Variants in SLC12A8 observed in about 807,000 individuals in gnomAD.
The protein encoded by SLC12A8 is solute carrier family 12 member 8.
In SLC12A8, 69 loss-of-function variants were observed where a neutral mutation model predicts 75.6. That is an observed-to-expected ratio of 0.91 (90% confidence interval 0.75 to 1.11). The LOEUF (loss-of-function observed/expected upper bound fraction) is 1.11, where lower values mean the gene tolerates loss of function less well. Among genes scored for constraint, SLC12A8 ranks in the 50% most tolerant of loss-of-function variants. SLC12A8 has a pLI of 0.00. For synonymous variants in SLC12A8, 365 were observed against 372.8 expected (o/e 0.98, Z 0.24); for missense variants, 877 against 896.7 (o/e 0.98, Z 0.28).
chr3:125,169,091 A>G (rs1460092929), intron 5 of SLC12A8, among the ~76,000 whole-genome samples: 1 of 152,220 alleles, frequency 6.6e-6, no homozygotes, highest in East Asian at 1.9e-4. Flanking sequence ...TAGGATTCAA[A>G]TGTGCCACAT....
intron 10 of SLC12A8, among the ~76,000 whole-genome samples, chr3:125,098,843 T>C (rs1181683687): frequency 6.6e-6 from 1 of 152,186 alleles, no homozygotes; most frequent in African/African-American, 2.4e-5. Context: ...TGGCTTTATA[T>C]GCTAAATATG....
chr3:125,096,246 G>A (rs182234050), intron 10 of SLC12A8, among the ~76,000 whole-genome samples: 1 of 152,266 alleles, frequency 6.6e-6, no homozygotes, highest in African/African-American at 2.4e-5. Flanking sequence ...TTCCCAGTGA[G>A]ATCTTTTCTA....
chr3:125,152,992 T>C (rs1450054902), intron 5 of SLC12A8, among the ~76,000 whole-genome samples: 1 of 152,180 alleles, frequency 6.6e-6, no homozygotes, highest in Non-Finnish European at 1.5e-5. Flanking sequence ...CAGGTGTGTG[T>C]GCAGCCAGGC....
intron 2 of SLC12A8, among the ~76,000 whole-genome samples, chr3:125,196,007 T>A (rs1579540616): frequency 6.6e-6 from 1 of 152,160 alleles, no homozygotes; most frequent in Non-Finnish European, 1.5e-5. Flanking sequence ...GGCGAACCAG[T>A]GAAACATCAG....
At position 125,083,902 on chromosome 3, in the gene SLC12A8, C is replaced by T; in HGVS notation, c.2133G>A (p.Met711Ile). ...HSSLVNREQL[M>I]PHY ...CCCAGCACTGCATCTAGTAGTGAGGCATCAGCTGCTCCCGGTTCACGAGGG... is the reference window on the plus strand; with the variant it reads ...CCCAGCACTGCATCTAGTAGTGAGGTATCAGCTGCTCCCGGTTCACGAGGG... The change falls in exon 14 of 14, where the codon ATG (methionine) becomes ATA (isoleucine). Residue 711 changes from methionine to isoleucine, a missense_variant. Transcript: ENST00000469902. The T allele has an allele frequency of 6.2e-7, 1 of 1,612,718 alleles. No individual in the cohort carries two copies. The highest frequency in any genetic ancestry group is 8.5e-7 in the Non-Finnish European group (1 of 1,179,474).
At chr3:125,118,738 G>A (rs1351681365) in intron 8 of SLC12A8, 31 bp downstream of exon 8, 1 of 1,552,264 alleles carries the variant, frequency 6.4e-7, no homozygotes, top group Non-Finnish European at 8.9e-7. Flanking sequence ...CCGGCAGACT[G>A]AGCCCTTGGA....
intron 9 of SLC12A8, 70 bp downstream of exon 9, chr3:125,110,119 G>T: frequency 6.7e-7 from 1 of 1,492,514 alleles, no homozygotes; most frequent in East Asian, 2.3e-5. Context: ...TTAACCAATT[G>T]ATGGGCCAAC....
At chr3:125,188,678 G>A (rs983454597) in intron 3 of SLC12A8, among the ~76,000 whole-genome samples, 1 of 152,248 alleles carries the variant, frequency 6.6e-6, no homozygotes, top group Admixed American at 6.5e-5. Context: ...TTCATGTGTT[G>A]TGAGTGCTGG....
At position 125,178,674 on chromosome 3, in the gene SLC12A8, T is replaced by A. The variant is rs374032082; in HGVS notation, c.391-700A>T. ...CCCAAAAGATTAGGATTTGTTGTCC[T>A]GTAAGACATTAACTGATTTTCTATC... On this transcript the variant is annotated intron_variant, in intron 4 of 13. Transcript: ENST00000469902. Among the ~76,000 whole-genome samples, 42 of 152,348 alleles carry A rather than the reference T, an allele frequency of 2.8e-4. 2 individuals are homozygous for A. The highest frequency in any genetic ancestry group is 9.9e-4 in the African/African-American group (41 of 41,590).
At chr3:125,102,866 G>A (rs1938917353) in intron 10 of SLC12A8, among the ~76,000 whole-genome samples, 1 of 152,170 alleles carries the variant, frequency 6.6e-6, no homozygotes, top group Non-Finnish European at 1.5e-5. Flanking sequence ...GCAGAGGAGA[G>A]TGAACCCTAG....
intron 5 of SLC12A8, among the ~76,000 whole-genome samples, chr3:125,141,336 G>A (rs1933630991): frequency 6.6e-6 from 1 of 152,214 alleles, no homozygotes; most frequent in Non-Finnish European, 1.5e-5. Flanking sequence ...TGGCTCTTCA[G>A]GGCCCACCAT....
chr3:125,160,222 G>A (rs568866436), intron 5 of SLC12A8, among the ~76,000 whole-genome samples: 1 of 152,296 alleles, frequency 6.6e-6, no homozygotes, highest in South Asian at 2.1e-4. Context: ...GGGATTACAG[G>A]GGTGAGCCAC....
chr3:125,116,398 A>T (rs2107747963), intron 8 of SLC12A8, among the ~76,000 whole-genome samples: 1 of 152,312 alleles, frequency 6.6e-6, no homozygotes, highest in Non-Finnish European at 1.5e-5. Flanking sequence ...TACATTCCCA[A>T]GTGTCATTGC....
chr3:125,133,043 A>G (rs944050657), intron 6 of SLC12A8, among the ~76,000 whole-genome samples: 1 of 152,212 alleles, frequency 6.6e-6, no homozygotes, highest in African/African-American at 2.4e-5. Flanking sequence ...GAGCCATGTC[A>G]TTGCAGAGAC....
intron 8 of SLC12A8, among the ~76,000 whole-genome samples, chr3:125,115,047 G>T (rs982410014): frequency 6.6e-6 from 1 of 152,190 alleles, no homozygotes; most frequent in Non-Finnish European, 1.5e-5. Context: ...TGCCCATAAG[G>T]AGTGTGGAAG....
chr3:125,115,400 G>A (rs529332863), intron 8 of SLC12A8, among the ~76,000 whole-genome samples: 5 of 152,256 alleles, frequency 3.3e-5, no homozygotes, highest in African/African-American at 1.2e-4. Flanking sequence ...GCATGTGCCT[G>A]TAATCCCAGC....
At chr3:125,110,564 G>A (rs945541120) in intron 8 of SLC12A8, 19 of 355,416 alleles carry the variant, frequency 5.3e-5, no homozygotes, top group African/African-American at 2.5e-4. Flanking sequence ...CAAATGAAGC[G>A]TCTGCCAGAC....
At chr3:125,088,536 C>T (rs1172009209) in intron 12 of SLC12A8, among the ~76,000 whole-genome samples, 166 bp from the exon 13 acceptor site, 2 of 152,132 alleles carry the variant, frequency 1.3e-5, no homozygotes, top group Non-Finnish European at 2.9e-5. Context: ...TGTAATCTTC[C>T]ATGACAGCAG....
intron 6 of SLC12A8, among the ~76,000 whole-genome samples, chr3:125,126,219 G>C (rs1250344266): frequency 5.3e-5 from 8 of 152,158 alleles, no homozygotes; most frequent in Non-Finnish European, 1.2e-4. Context: ...GAAGGTGTCA[G>C]CCATCACTTG....
Sources: allele counts gnomAD v4.1 joint callset (sites outside exome capture counted in the v4.1 genomes callset), GRCh38; gene constraint gnomAD v4.1.1; transcripts MANE v1.5; gene names NCBI Gene and HGNC (gene_info 2026-07-23, HGNC 2026-07-21).